SHISA6: variants seen among roughly 807,000 people sequenced by gnomAD.
The protein encoded by SHISA6 is shisa family member 6.
A neutral mutation model predicts 47.9 loss-of-function variants in SHISA6; 22 were observed. The observed-to-expected ratio is 0.46, with a 90% CI of 0.33 to 0.66. The LOEUF (loss-of-function observed/expected upper bound fraction) is 0.66. Ranked by LOEUF, SHISA6 falls within the 30% of genes least tolerant of loss-of-function variation. SHISA6 has a pLI of 0.02. For synonymous variants in SHISA6, 388 were observed against 337.8 expected, an observed-to-expected ratio of 1.15 and a Z score of -1.63; for missense variants, 680 against 764.6, an observed-to-expected ratio of 0.89 and a Z score of 1.30.
chr17:11,523,574 C>A (rs375908754), intron 3 of SHISA6, among the ~76,000 whole-genome samples: 12 of 152,162 alleles, frequency 7.9e-5, no homozygotes, highest in African/African-American at 2.7e-4. Flanking sequence ...CAAGGATAGT[C>A]TAGGGCTCTG....
At chr17:11,455,899 T>C (rs1370403526) in intron 3 of SHISA6, among the ~76,000 whole-genome samples, 1 of 152,128 alleles carries the variant, frequency 6.6e-6, no homozygotes, top group East Asian at 1.9e-4. Flanking sequence ...ATTCTCCAAA[T>C]CCTGTTGATA....
chr17:11,274,902 T>C (rs1371313626), intron 2 of SHISA6, among the ~76,000 whole-genome samples: 1 of 151,936 alleles, frequency 6.6e-6, no homozygotes, highest in Non-Finnish European at 1.5e-5. Flanking sequence ...GCAGGTAAGA[T>C]TGAATGGGCG....
chr17:11,554,285 A>C (rs2071956247), intron 4 of SHISA6, among the ~76,000 whole-genome samples: 1 of 152,066 alleles, frequency 6.6e-6, no homozygotes, highest in African/African-American at 2.4e-5. Context: ...GCATGTTCTA[A>C]TGGGGATGTA....
intron 3 of SHISA6, among the ~76,000 whole-genome samples, chr17:11,463,458 A>G (rs577987781): frequency 7.2e-5 from 11 of 152,214 alleles, no homozygotes; most frequent in Non-Finnish European, 1.5e-4. Flanking sequence ...AACATTTATA[A>G]TGATTAAAGA....
chr17:11,441,156 G>C (rs1003756387), intron 3 of SHISA6, among the ~76,000 whole-genome samples: 7 of 152,174 alleles, frequency 4.6e-5, no homozygotes, highest in African/African-American at 1.4e-4. Flanking sequence ...CAGTTCTTCT[G>C]CTGTCAGGAA....
At chr17:11,531,576 T>C (rs1269711045) in intron 3 of SHISA6, among the ~76,000 whole-genome samples, 2 of 152,160 alleles carry the variant, frequency 1.3e-5, no homozygotes, top group East Asian at 3.9e-4. Context: ...ACCTATAAAA[T>C]GGGGCTACTA....
intron 3 of SHISA6, among the ~76,000 whole-genome samples, chr17:11,540,492 C>G (rs766449270): frequency 3.9e-5 from 6 of 152,186 alleles, no homozygotes; most frequent in Non-Finnish European, 7.3e-5. Flanking sequence ...CTTCATCACT[C>G]AGGCCCAGTT....
Position 11,558,433 on chromosome 17 carries a change from C to A in SHISA6, c.*129C>A, listed in dbSNP as rs2142393175. ...CCCTCTGTAGGAAGTGGGGGTGGGC[C>A]ACCTTTGCCCAAAAAGCCATACCCC... On this transcript the variant is annotated 3_prime_UTR_variant, in exon 6 of 6. Coordinates refer to ENST00000441885, the MANE Select transcript of SHISA6 (RefSeq NM_207386.4). 4 of 1,091,834 alleles carry A rather than the reference C, an allele frequency of 3.7e-6. No individual in the cohort carries two copies. The highest frequency in any genetic ancestry group is 5.1e-6 in the Non-Finnish European group (4 of 780,500). The allele number at this position is 1,091,834 out of a possible 1,614,324, so 67.6% of individuals were successfully genotyped here.
At chr17:11,432,149 G>T (rs756610562) in intron 3 of SHISA6, among the ~76,000 whole-genome samples, 2 of 152,194 alleles carry the variant, frequency 1.3e-5, no homozygotes, top group Non-Finnish European at 2.9e-5. Flanking sequence ...AAAGCATTGA[G>T]ATGGTGGTGG....
rs74515281 is a variant in SHISA6, at chr17:11,279,849, C to G, written c.799+16323C>G. Among the ~76,000 whole-genome samples, 1,034 of 151,820 alleles carry G rather than the reference C, an allele frequency of 6.8e-3. 10 individuals are homozygous for G. Among genetic ancestry groups the G allele is most frequent in the African/African-American group, 0.024 (989 of 41,386 alleles). ...AGAGAGAGGAGGCTAAGGAAATGACCTGCATTTTCAGTTTTCATTAGCAGG... is the reference window on the plus strand; with the variant it reads ...AGAGAGAGGAGGCTAAGGAAATGACGTGCATTTTCAGTTTTCATTAGCAGG... On this transcript the variant is annotated intron_variant, in intron 2 of 5. Coordinates refer to ENST00000441885, the MANE Select transcript of SHISA6 (RefSeq NM_207386.4).
At chr17:11,407,651 C>G (rs1914004005) in intron 3 of SHISA6, among the ~76,000 whole-genome samples, 3 of 152,108 alleles carry the variant, frequency 2.0e-5, no homozygotes. Context: ...GTTTTGCTTG[C>G]TTTTGGAGAT....
chr17:11,247,421 G>C (rs922422595), intron 1 of SHISA6, among the ~76,000 whole-genome samples: 2 of 152,138 alleles, frequency 1.3e-5, no homozygotes, highest in African/African-American at 4.8e-5. Context: ...CCGTGCTCCT[G>C]GCTATGGGAG....
intron 3 of SHISA6, among the ~76,000 whole-genome samples, chr17:11,445,805 T>C (rs1332430284): frequency 6.6e-6 from 1 of 152,160 alleles, no homozygotes; most frequent in Non-Finnish European, 1.5e-5. Flanking sequence ...GGGCAAGAGA[T>C]CAGAGCAGGC....
At chr17:11,333,554 G>A (rs1354006006) in intron 2 of SHISA6, among the ~76,000 whole-genome samples, 4 of 151,592 alleles carry the variant, frequency 2.6e-5, no homozygotes, top group African/African-American at 4.9e-5. Context: ...TCACTCTGTC[G>A]CCCAGGCTGG....
Position 11,491,089 on chromosome 17 carries a change from C to T in SHISA6, c.896-60807C>T, listed in dbSNP as rs369422230. On this transcript the variant is annotated intron_variant, in intron 3 of 5. Transcript: ENST00000441885. ...CCCAGTGTCAGTGTCGGGTTAGGGG[C>T]ATCTCCAACGTCAAGATTCTCTAGA... Among the ~76,000 whole-genome samples the T allele has an allele frequency of 9.2e-5, 14 of 152,294 alleles. 1 individual carries two copies. Among genetic ancestry groups the T allele is most frequent in the African/African-American group, 3.4e-4 (14 of 41,574 alleles).
chr17:11,463,371 T>C (rs1513740), intron 3 of SHISA6, among the ~76,000 whole-genome samples: 71,495 of 152,052 alleles, frequency 0.47, 18,870 homozygotes, highest in African/African-American at 0.73. Flanking sequence ...AGTAAAAACC[T>C]TTTATGAATC....
At chr17:11,243,013 T>G (rs1444444931) in intron 1 of SHISA6, among the ~76,000 whole-genome samples, 2 of 151,964 alleles carry the variant, frequency 1.3e-5, no homozygotes, top group Admixed American at 1.3e-4. Flanking sequence ...CTGGACATGG[T>G]GCAAGAGTCC....
chr17:11,443,087 A>G (rs1224968466), intron 3 of SHISA6, among the ~76,000 whole-genome samples: 1 of 152,144 alleles, frequency 6.6e-6, no homozygotes, highest in Non-Finnish European at 1.5e-5. Context: ...AGTCTTAGGT[A>G]TTTGAGTGGA....
chr17:11,329,463 A>T (rs947291198), intron 2 of SHISA6, among the ~76,000 whole-genome samples: 15 of 152,180 alleles, frequency 9.9e-5, no homozygotes, highest in Admixed American at 2.6e-4. Flanking sequence ...CTGGGCATTC[A>T]TCTTCTCTCC....
Sources: gnomAD v4.1 joint callset for allele counts (sites outside exome capture counted in the v4.1 genomes callset) on GRCh38, gnomAD v4.1.1 for gene constraint, MANE v1.5 for transcripts, NCBI Gene and HGNC (gene_info 2026-07-23, HGNC 2026-07-21) for gene names.